LYNX1: variants seen among roughly 807,000 people sequenced by gnomAD.
LYNX1 encodes the protein Ly6/neurotoxin 1.
A neutral mutation model predicts 8.3 loss-of-function variants in LYNX1; 8 were observed. The ratio of observed to expected loss-of-function variants is 0.97; its 90% CI spans 0.57 to 1.74. The LOEUF is 1.74. LYNX1 is among the 40% of genes most tolerant of loss of function. The pLI is 0.00. For synonymous variants in LYNX1, 73 were observed against 67.9 expected (o/e 1.08, Z -0.37); for missense variants, 158 against 159.7 (o/e 0.99, Z 0.06).
chr8:142,775,790 G>A (rs2304397), intron 2 of LYNX1, 96 bp from the exon 3 acceptor site: 278,321 of 1,536,342 alleles, frequency 0.18, 26,364 homozygotes, highest in Non-Finnish European at 0.2. Flanking sequence ...CACCTTCCCC[G>A]GGGCAGGGGG....
Position 142,772,472 on chromosome 8 carries a change from AC to A in LYNX1, c.*2694del. 1.0e-6 allele frequency: 1 copy of A among 985,434 alleles called. No individual in the cohort carries two copies. Among genetic ancestry groups the A allele is most frequent in the South Asian group, 4.7e-5 (1 of 21,286 alleles). The allele number at this position is 985,434 out of a possible 1,614,324, so 61.0% of individuals were successfully genotyped here. On this transcript the variant is annotated 3_prime_UTR_variant, in exon 4 of 4. Coordinates refer to ENST00000652477, the MANE Select transcript of LYNX1 (RefSeq NM_177477.4). ...CTTCCCAGGCTTGGGGGTCCAAGGA[AC>A]CCCAGCTGGTGGGAGAAGCGGCTGC...
At chr8:142,775,463 G>T in intron 3 of LYNX1, 100 bp from the exon 4 acceptor site, 11 of 1,570,590 alleles carry the variant, frequency 7.0e-6, no homozygotes, top group Non-Finnish European at 9.5e-6. Flanking sequence ...GGGCCCCTCA[G>T]CCTGGAGCTC....
At position 142,774,190 on chromosome 8, in the gene LYNX1, G is replaced by C. The variant is rs1384397808; in HGVS notation, c.*977C>G. On this transcript the variant is annotated 3_prime_UTR_variant, in exon 4 of 4. Coordinates refer to ENST00000652477, the MANE Select transcript of LYNX1 (RefSeq NM_177477.4). ...CCCACTCCCGCCCCCGCACGGCCAC[G>C]AGAGGGTGGCATGCTCCGCCTTCCC... is the stretch of plus-strand genomic sequence containing the variant. The C allele has an allele frequency of 1.1e-6, 1 of 900,794 alleles. No homozygotes were observed. The highest frequency in any genetic ancestry group is 1.3e-6 in the Non-Finnish European group (1 of 785,764). The allele number at this position is 900,794 out of a possible 1,614,324, so 55.8% of individuals were successfully genotyped here.
Position 142,774,669 on chromosome 8 carries a change from T to C in LYNX1, c.*498A>G. On this transcript the variant is annotated 3_prime_UTR_variant, in exon 4 of 4. Coordinates refer to ENST00000652477, the MANE Select transcript of LYNX1 (RefSeq NM_177477.4). The stretch of plus-strand genomic sequence containing the variant: ...CCCTCCTCCCACAGCCCTGATCCCG[T>C]ACCGGTCCTGGCAGCTCCTGGCCTC... 1.0e-6 allele frequency: 1 copy of C among 991,622 alleles called. No individual in the cohort carries two copies. The highest frequency in any genetic ancestry group is 1.2e-6 in the Non-Finnish European group (1 of 833,796). 61.4% of individuals were successfully genotyped at this position (991,622 alleles called of 1,614,324 possible).
Position 142,772,746 on chromosome 8 carries a change from G to C in LYNX1, c.*2421C>G, listed in dbSNP as rs1815237124. ...GGCGCTGCTGTGCCGGTTCCCTGGTGCTGCACAGCCACGCACTCCCCATGA... is the reference window on the plus strand; with the variant it reads ...GGCGCTGCTGTGCCGGTTCCCTGGTCCTGCACAGCCACGCACTCCCCATGA... On this transcript the variant is annotated 3_prime_UTR_variant, in exon 4 of 4. Coordinates refer to ENST00000652477, the MANE Select transcript of LYNX1 (RefSeq NM_177477.4). 7.1e-6 allele frequency: 7 copies of C among 985,410 alleles called. No individual in the cohort carries two copies. The highest frequency in any genetic ancestry group is 7.2e-6 in the Non-Finnish European group (6 of 829,988). The allele number at this position is 985,410 out of a possible 1,614,324, so 61.0% of individuals were successfully genotyped here.
intron 3 of LYNX1, 68 bp downstream of exon 3, chr8:142,775,525 C>G: frequency 6.4e-7 from 1 of 1,554,364 alleles, no homozygotes; most frequent in East Asian, 2.4e-5. Flanking sequence ...CCCCCGCATG[C>G]TCAGGGGCAG....
chr8:142,775,287 G>A lies in LYNX1; in HGVS notation c.231C>T (p.Ser77=), dbSNP rs757629442. ...RCFETVYDGY[S]KHASTTSCCQ... is the part of the protein sequence containing the mutation. ...AGCAGGAGGTGGTGGACGCGTGCTT[G>A]GAGTAGCCATCATACACAGTCTCGA... Residue 77 remains serine (S), a synonymous_variant, in exon 4 of 4, where the codon TCC becomes TCT. Transcript: ENST00000652477. 1.1e-5 allele frequency: 17 copies of A among 1,613,924 alleles called. No individual in the cohort carries two copies. The highest frequency in any genetic ancestry group is 5.3e-5 in the African/African-American group (4 of 74,920).
Position 142,771,626 on chromosome 8 carries a change from G to A in LYNX1, c.*3541C>T. 1.0e-6 allele frequency: 1 copy of A among 985,792 alleles called. No individual in the cohort carries two copies. The highest frequency in any genetic ancestry group is 1.2e-6 in the Non-Finnish European group (1 of 829,990). 61.1% of individuals were successfully genotyped at this position (985,792 alleles called of 1,614,324 possible). On this transcript the variant is annotated 3_prime_UTR_variant, in exon 4 of 4. Transcript: ENST00000652477. Reference sequence around the variant, plus strand: ...CCTGCGAGCTGAGGTTTGAAGAGGAGAGCAGACCACCCAGAGTAGTGGGAG... The same window carrying A: ...CCTGCGAGCTGAGGTTTGAAGAGGAAAGCAGACCACCCAGAGTAGTGGGAG...
rs1815365894 is a variant in LYNX1, at chr8:142,775,323, C to A, written c.195G>T (p.Val65=). The stretch of plus-strand genomic sequence containing the variant: ...CATACACAGTCTCGAAGCAGCGGGG[C>A]ACGCAGGACTTACTGACCTTCATCC... ...PTRMKVSKSC[V]PRCFETVYDG... Residue 65 remains valine, a synonymous_variant, in exon 4 of 4, where the codon GTG becomes GTT. Coordinates refer to ENST00000652477, the MANE Select transcript of LYNX1 (RefSeq NM_177477.4). 1.9e-6 allele frequency: 3 copies of A among 1,613,908 alleles called. No homozygotes were observed. Among genetic ancestry groups the A allele is most frequent in the Non-Finnish European group, 2.5e-6 (3 of 1,179,980 alleles).
At chr8:142,775,773 A>C in intron 2 of LYNX1, 79 bp from the exon 3 acceptor site, 1 of 1,532,762 alleles carries the variant, frequency 6.5e-7, no homozygotes, top group East Asian at 2.4e-5. Context: ...TCAGGCCCCC[A>C]GCCCGTCACC....
In LYNX1 at chr8:142,772,839, C is replaced by G. The variant is rs887099754; in HGVS notation, c.*2328G>C. On this transcript the variant is annotated 3_prime_UTR_variant, in exon 4 of 4. Transcript: ENST00000652477. ...ACGCCAGGTGCCAAGGGCAGGCCAG[C>G]CAGGCAGAACCATGTGTGGGGCTGG... is the stretch of plus-strand genomic sequence containing the variant. The G allele has an allele frequency of 5.1e-6, 5 of 985,808 alleles. No homozygotes were observed. In the East Asian group the frequency reaches 5.7e-4, roughly 112 times the overall value. 61.1% of individuals were successfully genotyped at this position (985,808 alleles called of 1,614,324 possible).
In LYNX1 at chr8:142,774,175, C is replaced by T; in HGVS notation, c.*992G>A. 4.1e-6 allele frequency: 4 copies of T among 984,218 alleles called. No homozygotes were observed. The highest frequency in any genetic ancestry group is 4.8e-6 in the Non-Finnish European group (4 of 829,442). 61.0% of individuals were successfully genotyped at this position (984,218 alleles called of 1,614,324 possible). Reference sequence around the variant, plus strand: ...CCCCACCCCACCCTCCCCACTCCCGCCCCCGCACGGCCACGAGAGGGTGGC... The same window carrying T: ...CCCCACCCCACCCTCCCCACTCCCGTCCCCGCACGGCCACGAGAGGGTGGC... On this transcript the variant is annotated 3_prime_UTR_variant, in exon 4 of 4. Coordinates refer to ENST00000652477, the MANE Select transcript of LYNX1 (RefSeq NM_177477.4).
chr8:142,772,762 C>T lies in LYNX1; in HGVS notation c.*2405G>A. 1.0e-6 allele frequency: 1 copy of T among 985,560 alleles called. No individual in the cohort carries two copies. The highest frequency in any genetic ancestry group is 1.2e-6 in the Non-Finnish European group (1 of 829,986). 61.1% of individuals were successfully genotyped at this position (985,560 alleles called of 1,614,324 possible). A position where few individuals can be genotyped will look rare whatever the true frequency, so the allele number is the denominator to read the frequency against. ...TTCCCTGGTGCTGCACAGCCACGCA[C>T]TCCCCATGAGTGGGCCTGCCCAGCA... On this transcript the variant is annotated 3_prime_UTR_variant, in exon 4 of 4. Transcript: ENST00000652477.
intron 1 of LYNX1, 116 bp from the exon 2 acceptor site, chr8:142,776,237 G>A: frequency 2.0e-6 from 1 of 507,350 alleles, no homozygotes. Flanking sequence ...TGTCAGGGAA[G>A]GTTTCCTGGA....
chr8:142,772,630 G>A lies in LYNX1; in HGVS notation c.*2537C>T. 1 of 985,564 alleles carries A rather than the reference G, an allele frequency of 1.0e-6. No individual in the cohort carries two copies. The highest frequency in any genetic ancestry group is 4.7e-5 in the South Asian group (1 of 21,292). 61.1% of individuals were successfully genotyped at this position (985,564 alleles called of 1,614,324 possible). ...GCTCCCATTGCCGGGCTGCTATACAGTGCTCAGGGCCACAGTGCAGTGGGG... is the reference window on the plus strand; with the variant it reads ...GCTCCCATTGCCGGGCTGCTATACAATGCTCAGGGCCACAGTGCAGTGGGG... On this transcript the variant is annotated 3_prime_UTR_variant, in exon 4 of 4. Coordinates refer to ENST00000652477, the MANE Select transcript of LYNX1 (RefSeq NM_177477.4).
Position 142,774,531 on chromosome 8 carries a change from C to G in LYNX1, c.*636G>C, listed in dbSNP as rs1815320403. The G allele has an allele frequency of 1.0e-6, 1 of 985,686 alleles. No individual in the cohort carries two copies. Among genetic ancestry groups the G allele is most frequent in the Admixed American group, 6.1e-5 (1 of 16,308 alleles). 61.1% of individuals were successfully genotyped at this position (985,686 alleles called of 1,614,324 possible). A position where few individuals can be genotyped will look rare whatever the true frequency, so the allele number is the denominator to read the frequency against. ...CCCCTTGCTGGACCCGAAAAAGCTT[C>G]TGTGACTTCGGGGGCCCTGGGGCCT... On this transcript the variant is annotated 3_prime_UTR_variant, in exon 4 of 4. Transcript: ENST00000652477.
At position 142,775,316 on chromosome 8, in the gene LYNX1, A is replaced by G; in HGVS notation, c.202T>C (p.Cys68Arg). The stretch of plus-strand genomic sequence containing the variant: ...TAGCCATCATACACAGTCTCGAAGC[A>G]GCGGGGCACGCAGGACTTACTGACC... ...MKVSKSCVPR[C>R]FETVYDGYSK... The change falls in exon 4 of 4, where the codon TGC becomes CGC. Residue 68 changes from cysteine to arginine, a missense_variant. Transcript: ENST00000652477. 6.2e-7 allele frequency: 1 copy of G among 1,613,960 alleles called. No individual in the cohort carries two copies. Among genetic ancestry groups the G allele is most frequent in the Non-Finnish European group, 8.5e-7 (1 of 1,179,992 alleles).
chr8:142,775,665 A>G lies in LYNX1; in HGVS notation c.82T>C (p.Tyr28His). ...AQALDCHVCAYNGDNCFNPMR... is the reference protein window; with the variant it reads ...AQALDCHVCAHNGDNCFNPMR... The stretch of plus-strand genomic sequence containing the variant: ...GGGTTGAAGCAGTTGTCTCCGTTGT[A>G]GGCACACACGTGGCAGTCCAAGGCC... The change falls in exon 3 of 4, where the codon TAC (tyrosine) becomes CAC (histidine). Residue 28 changes from tyrosine to histidine, a missense_variant. By Grantham distance (83) the Tyr-to-His change is moderately conservative (BLOSUM62 2). Coordinates refer to ENST00000652477, the MANE Select transcript of LYNX1 (RefSeq NM_177477.4). 6.2e-7 allele frequency: 1 copy of G among 1,603,234 alleles called. No individual in the cohort carries two copies. Among genetic ancestry groups the G allele is most frequent in the South Asian group, 1.1e-5 (1 of 88,888 alleles).
chr8:142,777,053 C>T (rs1461911381), intron 1 of LYNX1, 53 bp downstream of exon 1: 6 of 152,180 alleles, frequency 3.9e-5, no homozygotes, highest in East Asian at 1.9e-4. Flanking sequence ...CACTGCGGTC[C>T]CAGGTCGAGG....
Sources: gnomAD v4.1 joint callset for allele counts on GRCh38, gnomAD v4.1.1 for gene constraint, MANE v1.5 for transcripts, NCBI Gene and HGNC (gene_info 2026-07-23, HGNC 2026-07-21) for gene names.